Variants in MS4A6E observed in about 807,000 individuals in gnomAD.
The protein encoded by MS4A6E is membrane spanning 4-domains A6E, also known as membrane-spanning 4-domains subfamily A member 6E.
MS4A6E carries 8 observed loss-of-function variants against 13.2 expected under a neutral mutation model. The observed-to-expected ratio is 0.60, with a 90% CI of 0.35 to 1.09. MS4A6E has a LOEUF of 1.09. Among genes scored for constraint, MS4A6E ranks in the 50% least tolerant of loss-of-function variants. The pLI is 0.02. For synonymous variants in MS4A6E, 72 were observed against 67.6 expected (o/e 1.06, Z -0.32); for missense variants, 177 against 171.1 (o/e 1.03, Z -0.19).
At position 60,337,816 on chromosome 11, in the gene MS4A6E, C is replaced by A. The variant is rs139858885; in HGVS notation, c.223C>A (p.Pro75Thr). Residue 75 changes from proline (P) to threonine (T), a missense_variant, in exon 3 of 5, where the codon CCG becomes ACG. Physicochemically the swap from Pro to Thr is conservative, Grantham distance 38. Transcript: ENST00000684409. ...GGGTTTCATTCTCCTGTCTGTCAACCCGGCTGCATTAAATCCTGCCTCATT... is the reference window on the plus strand; with the variant it reads ...GGGTTTCATTCTCCTGTCTGTCAACACGGCTGCATTAAATCCTGCCTCATT... ...LVGFILLSVN[P>T]AALNPASLQC... 1.9e-6 allele frequency: 3 copies of A among 1,614,074 alleles called. No homozygotes were observed.
At chr11:60,329,824 C>CTTT (rs35452287) in intron 1 of MS4A6E, among the ~76,000 whole-genome samples, 1 of 135,152 alleles carries the variant, frequency 7.4e-6, no homozygotes, top group Non-Finnish European at 1.6e-5. Context: ...CCTTCACCCA[C>CTTT]TTTTTTTTTT....
At chr11:60,341,726 A>T (rs2085227151), downstream of MS4A6E, among the ~76,000 whole-genome samples, 1 of 152,150 alleles carries the variant, frequency 6.6e-6, no homozygotes, top group Non-Finnish European at 1.5e-5. Flanking sequence ...TCACTGTCTC[A>T]GATATCCTGA....
intron 2 of MS4A6E, among the ~76,000 whole-genome samples, chr11:60,335,887 G>A (rs2085185921): frequency 6.6e-6 from 1 of 152,156 alleles, no homozygotes; most frequent in Non-Finnish European, 1.5e-5. Flanking sequence ...GTTTGCTAAG[G>A]GTGGTGGCCT....
chr11:60,341,779 G>A (rs184970683), downstream of MS4A6E, among the ~76,000 whole-genome samples: 3 of 152,130 alleles, frequency 2.0e-5, no homozygotes, highest in East Asian at 5.8e-4. Context: ...GTCTCAAATG[G>A]AACTGTCAGT....
chr11:60,336,761 C>T (rs547648783), intron 2 of MS4A6E, among the ~76,000 whole-genome samples: 2 of 152,260 alleles, frequency 1.3e-5, no homozygotes, highest in South Asian at 4.2e-4. Flanking sequence ...AAATAACACT[C>T]TACTGTATGG....
At chr11:60,347,998 C>T (rs186089784) in intron 4 of MS4A6E, among the ~76,000 whole-genome samples, 2 of 152,200 alleles carry the variant, frequency 1.3e-5, no homozygotes, top group East Asian at 1.9e-4. Context: ...CCTTAGACAG[C>T]GATTCGGGTT....
In MS4A6E at chr11:60,337,886, T is replaced by C. The variant is rs2085199014; in HGVS notation, c.293T>C (p.Leu98Pro). The C allele has an allele frequency of 6.2e-7, 1 of 1,614,198 alleles. No homozygotes were observed. The highest frequency in any genetic ancestry group is 2.2e-5 in the East Asian group (1 of 44,892). ...AAGGATATACCAACCAGACTTCTTC[T>C]TTCTTATGATTATCATTCACCTTAC... is the stretch of plus-strand genomic sequence containing the variant. ...DEKDIPTRLLLSYDYHSPYTM... is the reference protein window; with the variant it reads ...DEKDIPTRLLPSYDYHSPYTM... The change falls in exon 3 of 5, where the codon CTT becomes CCT. Residue 98 changes from leucine (L) to proline (P), a missense_variant. By Grantham distance (98) the Leu-to-Pro change is moderately conservative. Transcript: ENST00000684409.
intron 1 of MS4A6E, among the ~76,000 whole-genome samples, chr11:60,331,621 CATTGCATCACAT>C (rs1365271956): frequency 6.6e-6 from 1 of 152,154 alleles, no homozygotes; most frequent in African/African-American, 2.4e-5. Context: ...ACCAACTTTT[CATTGCATCACAT>C]AAGGATGAAC....
At chr11:60,330,889 CT>C (rs2135054857) in intron 1 of MS4A6E, among the ~76,000 whole-genome samples, 1 of 152,246 alleles carries the variant, frequency 6.6e-6, no homozygotes, top group South Asian at 2.1e-4. Context: ...TTCCCGATTG[CT>C]TGTCTTTGTC....
In MS4A6E at chr11:60,340,844, G is replaced by A. The variant is rs1046204012; in HGVS notation, c.*78G>A. 8 of 177,746 alleles carry A rather than the reference G, an allele frequency of 4.5e-5. No homozygotes were observed. Among genetic ancestry groups the A allele is most frequent in the Non-Finnish European group, 7.5e-5 (6 of 79,540 alleles). The allele number at this position is 177,746 out of a possible 1,614,324, so 11.0% of individuals were successfully genotyped here. A position where few individuals can be genotyped will look rare whatever the true frequency, so the allele number is the denominator to read the frequency against. The stretch of plus-strand genomic sequence containing the variant: ...AACTATTGACTTCTTGGGAAAAAAC[G>A]GAGAAATATTAATTGGAAAGTTGAT... On this transcript the variant is annotated 3_prime_UTR_variant, in exon 5 of 5. Transcript: ENST00000684409.
At position 60,337,793 on chromosome 11, in the gene MS4A6E, G is replaced by A; in HGVS notation, c.200G>A (p.Gly67Asp). The A allele has an allele frequency of 1.2e-6, 2 of 1,614,164 alleles. No individual in the cohort carries two copies. Among genetic ancestry groups the A allele is most frequent in the East Asian group, 2.2e-5 (1 of 44,880 alleles). ...SILSALSALV[G>D]FILLSVNPAA... ...CTGAGTGCTCTGTCTGCCCTGGTGGGTTTCATTCTCCTGTCTGTCAACCCG... is the reference window on the plus strand; with the variant it reads ...CTGAGTGCTCTGTCTGCCCTGGTGGATTTCATTCTCCTGTCTGTCAACCCG... Residue 67 changes from glycine to aspartate, a missense_variant, in exon 3 of 5, where the codon GGT becomes GAT. By Grantham distance (94) the Gly-to-Asp change is moderately conservative. Transcript: ENST00000684409.
At chr11:60,340,390 T>A (rs1166932511) in intron 4 of MS4A6E, among the ~76,000 whole-genome samples, 1 of 152,218 alleles carries the variant, frequency 6.6e-6, no homozygotes, top group East Asian at 1.9e-4. Context: ...CCTTTACACA[T>A]GTGACTGGAT....
intron 1 of MS4A6E, among the ~76,000 whole-genome samples, chr11:60,329,820 C>A (rs1037160322): frequency 2.9e-5 from 4 of 137,982 alleles, no homozygotes; most frequent in Non-Finnish European, 4.6e-5. Context: ...ATATCCTTCA[C>A]CCACTTTTTT....
intron 1 of MS4A6E, among the ~76,000 whole-genome samples, chr11:60,334,080 G>A (rs2085173592): frequency 6.6e-6 from 1 of 152,206 alleles, no homozygotes; most frequent in Non-Finnish European, 1.5e-5. Flanking sequence ...AGCATTCTGG[G>A]TTTCCAGCGG....
At chr11:60,340,109 C>A in intron 4 of MS4A6E, 145 bp downstream of exon 4, 1 of 1,251,220 alleles carries the variant, frequency 8.0e-7, no homozygotes, top group Non-Finnish European at 1.1e-6. Context: ...TGATGGAAGA[C>A]CGAGAAGAAA....
downstream of MS4A6E, among the ~76,000 whole-genome samples, chr11:60,343,845 G>A (rs1310368905): frequency 2.0e-5 from 3 of 152,120 alleles, no homozygotes; most frequent in East Asian, 5.8e-4. Flanking sequence ...AGCTTTCCAG[G>A]CTTTGACTGG....
At chr11:60,348,458 C>A (rs1261602084) in intron 4 of MS4A6E, among the ~76,000 whole-genome samples, 1 of 152,320 alleles carries the variant, frequency 6.6e-6, no homozygotes, top group East Asian at 1.9e-4. Flanking sequence ...ATTTGCTAAT[C>A]TTTCCTAACA....
In MS4A6E at chr11:60,330,532, CG is replaced by C. The variant is rs758043734; in HGVS notation, c.-15+3128del. 1.1e-4 allele frequency among the ~76,000 whole-genome samples: 16 copies of C among 151,428 alleles called. 1 individual carries two copies. In the South Asian group the frequency reaches 2.9e-3, roughly 28 times the overall value. Reference sequence around the variant, plus strand: ...ATTTCTTTTGTATTTTTAGTAGAGACGGGGTTTCACTGTGTTAGCCAGGATG... The same window carrying C: ...ATTTCTTTTGTATTTTTAGTAGAGACGGGTTTCACTGTGTTAGCCAGGATG... On this transcript the variant is annotated intron_variant, in intron 1 of 4. Coordinates refer to ENST00000684409, the MANE Select transcript of MS4A6E (RefSeq NM_139249.4).
In MS4A6E at chr11:60,334,106, T is replaced by C. The variant is rs935099516; in HGVS notation, c.-14-776T>C. On this transcript the variant is annotated intron_variant, in intron 1 of 4. Transcript: ENST00000684409. The stretch of plus-strand genomic sequence containing the variant: ...TTTCCAGCGGGGTTGCCCAAGGCAC[T>C]GGTTTCTGTCTTACATGACTCAGAG... 7.9e-5 allele frequency among the ~76,000 whole-genome samples: 12 copies of C among 152,324 alleles called. No individual in the cohort carries two copies. The South Asian group carries it at 2.1e-3, about 26-fold the overall frequency.
Sources: gnomAD v4.1 joint callset for allele counts (sites outside exome capture counted in the v4.1 genomes callset) on GRCh38, gnomAD v4.1.1 for gene constraint, MANE v1.5 for transcripts, NCBI Gene and HGNC (gene_info 2026-07-23, HGNC 2026-07-21) for gene names.